The following CDC42 variants were observed in gnomAD, a reference collection of about 807,000 sequenced individuals.
CDC42 encodes cell division control protein 42 homolog.
CDC42 carries 1 observed loss-of-function variant against 20.8 expected under a neutral mutation model. The ratio of observed to expected loss-of-function variants is 0.05; its 90% CI spans 0.02 to 0.23. The LOEUF is 0.23. Among genes scored for constraint, CDC42 ranks in the 10% least tolerant of loss-of-function variants. The pLI is 1.00. For synonymous variants in CDC42, 72 were observed against 84.8 expected, an observed-to-expected ratio of 0.85 and a Z score of 0.83; for missense variants, 49 against 227.9, an observed-to-expected ratio of 0.21 and a Z score of 5.05.
At chr1:22,070,120 C>T (rs1645469161) in intron 1 of CDC42, among the ~76,000 whole-genome samples, 1 of 152,116 alleles carries the variant, frequency 6.6e-6, no homozygotes, top group South Asian at 2.1e-4. Context: ...ATGTTGTATT[C>T]TTAATTGAAC....
Position 22,096,367 on chromosome 1 carries a change from A to G in CDC42, c.*4850A>G, listed in dbSNP as rs1004767312. ...GTAAAATAGATGTCTCCTGACTTCTACTTGGAATTTTCTTTCCCTTACAGT... is the reference window on the plus strand; with the variant it reads ...GTAAAATAGATGTCTCCTGACTTCTGCTTGGAATTTTCTTTCCCTTACAGT... On this transcript the variant is annotated 3_prime_UTR_variant, in exon 6 of 6. Transcript: ENST00000656825. 4.6e-5 allele frequency among the ~76,000 whole-genome samples: 7 copies of G among 152,192 alleles called. No individual in the cohort carries two copies. The highest frequency in any genetic ancestry group is 9.6e-5 in the African/African-American group (4 of 41,458).
rs1645770418 is a variant in CDC42 at position 22,098,347 on chromosome 1, A to G, written c.*6830A>G. 6.6e-6 allele frequency among the ~76,000 whole-genome samples: 1 copy of G among 152,196 alleles called. No individual in the cohort carries two copies. Among genetic ancestry groups the G allele is most frequent in the Non-Finnish European group, 1.5e-5 (1 of 68,030 alleles). On this transcript the variant is annotated 3_prime_UTR_variant, in exon 6 of 6. Coordinates refer to ENST00000656825, the MANE Select transcript of CDC42 (RefSeq NM_001791.4). The stretch of plus-strand genomic sequence containing the variant: ...CAATTAGATGGGAAGGCTGAAAAAA[A>G]AAATACTCCTGAGATTCTGAATCTG...
In CDC42 at chr1:22,091,767, C is replaced by CAAA. The variant is rs139035560; in HGVS notation, c.*258_*260dup. 1.9e-4 allele frequency: 18 copies of CAAA among 93,426 alleles called. No individual in the cohort carries two copies. The highest frequency in any genetic ancestry group is 4.6e-4 in the Admixed American group (4 of 8,670). 5.8% of individuals were successfully genotyped at this position (93,426 alleles called of 1,614,324 possible). A position where few individuals can be genotyped will look rare whatever the true frequency, so the allele number is the denominator to read the frequency against. ...TTAGTACTATTTTTTTTTGTTGTTTCAAAAAAAAAATTTTTGTGTGTGTGT... is the reference window on the plus strand; with the variant it reads ...TTAGTACTATTTTTTTTTGTTGTTTCAAAAAAAAAAAAATTTTTGTGTGTGTGT... On this transcript the variant is annotated 3_prime_UTR_variant, in exon 6 of 6. Transcript: ENST00000656825.
intron 1 of CDC42, among the ~76,000 whole-genome samples, chr1:22,057,254 T>C (rs1042099713): frequency 3.9e-5 from 6 of 152,344 alleles, no homozygotes; most frequent in Middle Eastern, 3.4e-3. Context: ...TAGTGAGTGC[T>C]GTATAGATTT....
chr1:22,053,823 G>A (rs1449371939), intron 1 of CDC42, among the ~76,000 whole-genome samples: 1 of 152,176 alleles, frequency 6.6e-6, no homozygotes, highest in Non-Finnish European at 1.5e-5. Flanking sequence ...GCACCTAAAA[G>A]CTAGGAAGGT....
chr1:22,055,197 C>T (rs1452307122), intron 1 of CDC42, among the ~76,000 whole-genome samples: 2 of 151,328 alleles, frequency 1.3e-5, no homozygotes, highest in East Asian at 1.9e-4. Flanking sequence ...TCGTGATCCG[C>T]CCGCCTCGTC....
chr1:22,093,141 C>CT lies in CDC42; in HGVS notation c.*1625dup. Among the ~76,000 whole-genome samples the CT allele has an allele frequency of 6.6e-6, 1 of 152,290 alleles. No individual in the cohort carries two copies. Among genetic ancestry groups the CT allele is most frequent in the South Asian group, 2.1e-4 (1 of 4,826 alleles). On this transcript the variant is annotated 3_prime_UTR_variant, in exon 6 of 6. Coordinates refer to ENST00000656825, the MANE Select transcript of CDC42 (RefSeq NM_001791.4). Reference sequence around the variant, plus strand: ...TATGTTCAGGTTTGTGCTTTCTCCTCTAAGTTTGACCCTTCCCTTAAATAC... The same window carrying CT: ...TATGTTCAGGTTTGTGCTTTCTCCTCTTAAGTTTGACCCTTCCCTTAAATAC...
intron 1 of CDC42, among the ~76,000 whole-genome samples, chr1:22,062,088 ACCATAC>A (rs1190216550): frequency 1.3e-5 from 2 of 151,602 alleles, no homozygotes. Context: ...GGCATGTGCC[ACCATAC>A]CCAGCTAATT....
chr1:22,084,335 G>GTTTTTTTTTTTTTT (rs61584354), intron 3 of CDC42, among the ~76,000 whole-genome samples: 7 of 80,690 alleles, frequency 8.7e-5, no homozygotes, highest in Admixed American at 1.6e-4. Flanking sequence ...CTTATTTCCT[G>GTTTTTTTTTTTTTT]TTTTTTTTTT....
At chr1:22,064,248 C>G (rs1645396955) in intron 1 of CDC42, 1 of 151,846 alleles carries the variant, frequency 6.6e-6, no homozygotes, top group African/African-American at 2.4e-5. Flanking sequence ...GAAAATCTTA[C>G]TGTAATCTTT....
chr1:22,099,209 A>G lies in CDC42; in HGVS notation c.*7692A>G, dbSNP rs1350483743. On this transcript the variant is annotated 3_prime_UTR_variant, in exon 6 of 6. Coordinates refer to ENST00000656825, the MANE Select transcript of CDC42 (RefSeq NM_001791.4). ...CCATAAATAAATTGGTGCATTAAGG[A>G]AGGAATATTAATCACATCCAGGAGG... is the stretch of plus-strand genomic sequence containing the variant. 6.6e-6 allele frequency among the ~76,000 whole-genome samples: 1 copy of G among 152,246 alleles called. No individual in the cohort carries two copies. Among genetic ancestry groups the G allele is most frequent in the Non-Finnish European group, 1.5e-5 (1 of 68,044 alleles).
At position 22,085,425 on chromosome 1, in the gene CDC42, G is replaced by A. The variant is rs1369574858; in HGVS notation, c.179-1014G>A. On this transcript the variant is annotated intron_variant, in intron 3 of 5. Transcript: ENST00000656825. ...CTTTATTCTTTTTCAAGATTATTTT[G>A]TCTATTGTCCCTTGTTTCAAGATTA... is the stretch of plus-strand genomic sequence containing the variant. Among the ~76,000 whole-genome samples, 4 of 151,900 alleles carry A rather than the reference G, an allele frequency of 2.6e-5. No homozygotes were observed. In the East Asian group the frequency reaches 7.7e-4, roughly 29 times the overall value.
At chr1:22,061,178 G>A (rs1481967200) in intron 1 of CDC42, among the ~76,000 whole-genome samples, 1 of 152,102 alleles carries the variant, frequency 6.6e-6, no homozygotes, top group Non-Finnish European at 1.5e-5. Context: ...AGGCCATGGC[G>A]GGCGGATCAC....
chr1:22,070,835 C>T (rs1179199032), intron 1 of CDC42, among the ~76,000 whole-genome samples: 1 of 151,884 alleles, frequency 6.6e-6, no homozygotes, highest in African/African-American at 2.4e-5. Flanking sequence ...GGTCCCGTTC[C>T]AGCCAATAAA....
chr1:22,090,498 C>CT, intron 5 of CDC42: 2 of 987,128 alleles, frequency 2.0e-6, no homozygotes, highest in Non-Finnish European at 2.4e-6. Flanking sequence ...AGGGAGGATT[C>CT]TTTTCTGGTT....
intron 1 of CDC42, among the ~76,000 whole-genome samples, chr1:22,062,462 T>C (rs1645376637): frequency 6.6e-6 from 1 of 152,126 alleles, no homozygotes; most frequent in Non-Finnish European, 1.5e-5. Context: ...TGTCTGCTTG[T>C]TTAGGATTTC....
intron 1 of CDC42, chr1:22,053,265 G>C (rs1421179321): frequency 1.3e-5 from 2 of 151,412 alleles, no homozygotes; most frequent in African/African-American, 2.4e-5. Context: ...CGGCGGGGGT[G>C]GGGGGGCGGG....
At chr1:22,080,229 C>G (rs1162083752) in intron 2 of CDC42, among the ~76,000 whole-genome samples, 1 of 152,172 alleles carries the variant, frequency 6.6e-6, no homozygotes, top group Non-Finnish European at 1.5e-5. Flanking sequence ...CATAAGTAGA[C>G]TTTGGAATGG....
chr1:22,078,734 A>G, intron 2 of CDC42, 151 bp downstream of exon 2: 1 of 1,500,278 alleles, frequency 6.7e-7, no homozygotes, highest in Non-Finnish European at 8.9e-7. Flanking sequence ...TAAATTATAT[A>G]CACTTTAAAC....
Sources: gnomAD v4.1 joint callset for allele counts (sites outside exome capture counted in the v4.1 genomes callset) on GRCh38, gnomAD v4.1.1 for gene constraint, MANE v1.5 for transcripts, NCBI Gene and HGNC (gene_info 2026-07-23, HGNC 2026-07-21) for gene names.